The following EHBP1 variants were observed in gnomAD, a reference collection of about 807,000 sequenced individuals.
EHBP1 encodes the protein EH domain-binding protein 1.
Under a neutral mutation model 144.0 loss-of-function variants are expected in EHBP1, and 55 were observed. The ratio of observed to expected loss-of-function variants is 0.38; its 90% confidence interval spans 0.31 to 0.48. EHBP1 has a LOEUF of 0.48. EHBP1 is among the 20% of genes least tolerant of loss of function. The probability of loss-of-function intolerance (pLI) is 0.98; values close to 1 mark genes in which losing one functional copy is unlikely to be tolerated. For synonymous variants in EHBP1, 469 were observed against 472.7 expected, an observed-to-expected ratio of 0.99 and a Z score of 0.10; for missense variants, 1,200 against 1,364.2, an observed-to-expected ratio of 0.88 and a Z score of 1.90.
At chr2:62,754,404 T>G (rs1024487284) in intron 3 of EHBP1, among the ~76,000 whole-genome samples, 1 of 152,178 alleles carries the variant, frequency 6.6e-6, no homozygotes, top group African/African-American at 2.4e-5. Context: ...CTGCCTCTAC[T>G]GGGGGGTGCC....
At chr2:62,925,401 A>G (rs2055422910) in intron 10 of EHBP1, among the ~76,000 whole-genome samples, 1 of 152,114 alleles carries the variant, frequency 6.6e-6, no homozygotes, top group East Asian at 1.9e-4. Context: ...AACAAGTCAA[A>G]TTGTCCCTGT....
intron 9 of EHBP1, among the ~76,000 whole-genome samples, chr2:62,866,526 C>T (rs1468095903): frequency 1.3e-5 from 2 of 152,064 alleles, no homozygotes; most frequent in Non-Finnish European, 2.9e-5. Context: ...TAGAAGAAGA[C>T]AGCATAGATG....
chr2:62,899,941 T>C (rs138673512), intron 10 of EHBP1, among the ~76,000 whole-genome samples: 3 of 152,342 alleles, frequency 2.0e-5, no homozygotes, highest in African/African-American at 7.2e-5. Context: ...TTGTCTCCAC[T>C]TTACAAATAA....
intron 14 of EHBP1, among the ~76,000 whole-genome samples, chr2:62,977,268 G>A (rs994791385): frequency 6.6e-6 from 1 of 151,754 alleles, no homozygotes; most frequent in African/African-American, 2.4e-5. Context: ...GTTGGACAGG[G>A]CCTTTAAAGT....
At chr2:62,979,055 TG>T in intron 14 of EHBP1, 132 bp from the exon 15 acceptor site, 1 of 687,478 alleles carries the variant, frequency 1.5e-6, no homozygotes, top group South Asian at 4.9e-5. Flanking sequence ...GACATCCAAC[TG>T]ATATAGAGCA....
At chr2:62,849,140 C>T (rs2048501176) in intron 7 of EHBP1, among the ~76,000 whole-genome samples, 1 of 151,954 alleles carries the variant, frequency 6.6e-6, no homozygotes, top group Non-Finnish European at 1.5e-5. Context: ...ATGGAAGTGA[C>T]TATGTAACTT....
At chr2:62,803,616 C>G (rs2044210943) in intron 5 of EHBP1, among the ~76,000 whole-genome samples, 2 of 152,142 alleles carry the variant, frequency 1.3e-5, no homozygotes, top group Non-Finnish European at 2.9e-5. Flanking sequence ...ATTGTTCATG[C>G]CCACCCATTG....
chr2:63,023,879 T>G (rs1368481980), intron 19 of EHBP1, among the ~76,000 whole-genome samples: 2 of 152,240 alleles, frequency 1.3e-5, no homozygotes, highest in Non-Finnish European at 2.9e-5. Context: ...TATTACAAAT[T>G]TTAGTGCTTT....
At chr2:62,696,324 C>T (rs925132029) in intron 1 of EHBP1, among the ~76,000 whole-genome samples, 3 of 151,852 alleles carry the variant, frequency 2.0e-5, no homozygotes, top group African/African-American at 7.3e-5. Context: ...GCGCTCACCA[C>T]CACACCTGGC....
At chr2:62,865,063 C>T (rs2049933706) in intron 9 of EHBP1, 92 bp downstream of exon 9, 1 of 1,348,220 alleles carries the variant, frequency 7.4e-7, no homozygotes, top group Admixed American at 2.1e-5. Flanking sequence ...GGGTACAAAT[C>T]ATTAATGTAC....
intron 10 of EHBP1, among the ~76,000 whole-genome samples, chr2:62,941,817 C>T (rs557491835): frequency 1.4e-4 from 22 of 152,082 alleles, no homozygotes; most frequent in Non-Finnish European, 2.8e-4. Flanking sequence ...AGTCCGGAAA[C>T]ATTTAGCAGT....
intron 5 of EHBP1, among the ~76,000 whole-genome samples, chr2:62,821,714 A>G (rs948903987): frequency 6.6e-6 from 1 of 152,176 alleles, no homozygotes; most frequent in African/African-American, 2.4e-5. Flanking sequence ...TCAAAAGAAT[A>G]TGAACTAACA....
chr2:62,994,008 T>G, intron 18 of EHBP1, 31 bp downstream of exon 18: 2 of 1,440,712 alleles, frequency 1.4e-6, no homozygotes, highest in Admixed American at 4.3e-5. Context: ...GTTTCATGAT[T>G]GCTGATAATT....
intron 10 of EHBP1, among the ~76,000 whole-genome samples, chr2:62,933,968 A>T (rs768753553): frequency 6.6e-6 from 1 of 152,194 alleles, no homozygotes; most frequent in Non-Finnish European, 1.5e-5. Context: ...TTTTAAATCC[A>T]TTTTATTGTT....
At chr2:62,806,186 G>T (rs1209684451) in intron 5 of EHBP1, among the ~76,000 whole-genome samples, 2 of 152,014 alleles carry the variant, frequency 1.3e-5, no homozygotes, top group African/African-American at 2.4e-5. Context: ...GTCTCACTAT[G>T]TTGCCCAAGC....
At chr2:62,724,712 G>A (rs767260546) in intron 2 of EHBP1, among the ~76,000 whole-genome samples, 1 of 151,712 alleles carries the variant, frequency 6.6e-6, no homozygotes, top group African/African-American at 2.4e-5. Context: ...CCATGGACTA[G>A]TACCAGTCTA....
chr2:62,955,537 A>G lies in EHBP1; in HGVS notation c.2337A>G (p.Gln779=). 1 of 1,612,052 alleles carries G rather than the reference A, an allele frequency of 6.2e-7. No individual in the cohort carries two copies. The highest frequency in any genetic ancestry group is 8.5e-7 in the Non-Finnish European group (1 of 1,178,872). Reference sequence around the variant, plus strand: ...TTAAGCATCGATTGTTATCTAGACAAGAAGAACTTAAGGAAAGAGCAAGAG... The same window carrying G: ...TTAAGCATCGATTGTTATCTAGACAGGAAGAACTTAAGGAAAGAGCAAGAG... ...KIVQHRLLSR[Q]EELKERARVL... The change falls in exon 14 of 23, where the codon CAA becomes CAG. Residue 779 remains glutamine (Q), a synonymous_variant. Coordinates refer to ENST00000431489, the MANE Select transcript of EHBP1 (RefSeq NM_001142616.3).
intron 1 of EHBP1, among the ~76,000 whole-genome samples, chr2:62,680,139 A>C (rs2033459876): frequency 6.6e-6 from 1 of 152,222 alleles, no homozygotes; most frequent in Non-Finnish European, 1.5e-5. Flanking sequence ...CACTGAGTTA[A>C]GGGGAGATCA....
At chr2:62,826,812 T>A (rs1049967591) in intron 6 of EHBP1, among the ~76,000 whole-genome samples, 2 of 152,212 alleles carry the variant, frequency 1.3e-5, no homozygotes, top group Non-Finnish European at 2.9e-5. Flanking sequence ...GATTTCTAGA[T>A]TCCATTCTAG....
Sources: gnomAD v4.1 joint callset for allele counts (sites outside exome capture counted in the v4.1 genomes callset) on GRCh38, gnomAD v4.1.1 for gene constraint, MANE v1.5 for transcripts, NCBI Gene and HGNC (gene_info 2026-07-23, HGNC 2026-07-21) for gene names.